Variants in DSCAM observed in about 807,000 individuals in gnomAD.
DSCAM encodes DS cell adhesion molecule, also known as cell adhesion molecule DSCAM.
DSCAM carries 47 observed loss-of-function variants against 217.7 expected under a neutral mutation model. The ratio of observed to expected loss-of-function variants is 0.22; its 90% CI spans 0.17 to 0.28. The LOEUF (loss-of-function observed/expected upper bound fraction) is 0.28, where lower values mean the gene tolerates loss of function less well. Among genes scored for constraint, DSCAM ranks in the 10% least tolerant of loss-of-function variants. The probability of loss-of-function intolerance (pLI) is 1.00; values close to 1 mark genes in which losing one functional copy is unlikely to be tolerated. For synonymous variants in DSCAM, 1,056 were observed against 1,015.3 expected (o/e 1.04, Z -0.76); for missense variants, 2,080 against 2,618.3 (o/e 0.79, Z 4.49).
At chr21:40,771,860 G>A (rs989496269) in intron 1 of DSCAM, among the ~76,000 whole-genome samples, 13 of 152,142 alleles carry the variant, frequency 8.5e-5, no homozygotes, top group South Asian at 2.1e-4. Flanking sequence ...AATTTTACAC[G>A]CACATTTTAT....
At chr21:40,316,801 A>G (rs1468577985) in intron 8 of DSCAM, among the ~76,000 whole-genome samples, 1 of 152,086 alleles carries the variant, frequency 6.6e-6, no homozygotes, top group Non-Finnish European at 1.5e-5. Context: ...TTTGACTCTT[A>G]CTCTATCTAA....
intron 1 of DSCAM, among the ~76,000 whole-genome samples, chr21:40,717,684 G>C (rs2090857120): frequency 6.6e-6 from 1 of 152,204 alleles, no homozygotes; most frequent in African/African-American, 2.4e-5. Context: ...GGATAGGAGG[G>C]TTTCTTTTGA....
intron 9 of DSCAM, among the ~76,000 whole-genome samples, chr21:40,305,109 GC>G (rs1042433485): frequency 6.6e-6 from 1 of 152,124 alleles, no homozygotes; most frequent in African/African-American, 2.4e-5. Context: ...GCAAAGTGTG[GC>G]CGGGCATGGT....
chr21:40,831,086 C>A (rs919649994), intron 1 of DSCAM, among the ~76,000 whole-genome samples: 1 of 152,222 alleles, frequency 6.6e-6, no homozygotes, highest in African/African-American at 2.4e-5. Context: ...AGGGGCCAAC[C>A]AGGCAATAAA....
intron 3 of DSCAM, among the ~76,000 whole-genome samples, chr21:40,679,685 G>T (rs977992659): frequency 1.3e-5 from 2 of 152,158 alleles, no homozygotes. Context: ...CTTTCATTCT[G>T]CCTTATTGTC....
At chr21:40,596,035 G>A (rs992434883) in intron 3 of DSCAM, among the ~76,000 whole-genome samples, 1 of 152,152 alleles carries the variant, frequency 6.6e-6, no homozygotes, top group Non-Finnish European at 1.5e-5. Flanking sequence ...GCAAGAACTA[G>A]CACAAGGCAG....
intron 11 of DSCAM, among the ~76,000 whole-genome samples, chr21:40,261,535 G>A (rs1195930738): frequency 1.3e-5 from 2 of 151,908 alleles, no homozygotes; most frequent in Admixed American, 6.6e-5. Flanking sequence ...GGCTCTCCTT[G>A]GGTCTAGAGC....
chr21:40,735,215 C>CA (rs1191481961), intron 1 of DSCAM, among the ~76,000 whole-genome samples: 1 of 152,218 alleles, frequency 6.6e-6, no homozygotes, highest in Non-Finnish European at 1.5e-5. Flanking sequence ...ATTATGCTTG[C>CA]ATTTCTAACA....
intron 30 of DSCAM, 139 bp downstream of exon 30, chr21:40,051,819 A>G (rs1169612827): frequency 1.9e-6 from 2 of 1,072,662 alleles, no homozygotes; most frequent in African/African-American, 1.6e-5. Flanking sequence ...CATTATCCCA[A>G]TTAGGGATGT....
chr21:40,233,337 TC>T (rs2091398493), intron 11 of DSCAM, among the ~76,000 whole-genome samples: 1 of 152,218 alleles, frequency 6.6e-6, no homozygotes, highest in African/African-American at 2.4e-5. Context: ...TATATTTTTT[TC>T]TTCACTCAAA....
rs1401541279 is a variant in DSCAM, at chr21:40,175,815, A to ACGCACG, written c.2947+3111_2947+3112insCGTGCG. Among the ~76,000 whole-genome samples, 152 of 149,764 alleles carry ACGCACG rather than the reference A, an allele frequency of 1.0e-3. 1 individual carries two copies. Among genetic ancestry groups the ACGCACG allele is most frequent in the African/African-American group, 1.8e-3 (72 of 40,732 alleles). ...CACACACACACACACACACGCACACACACACACACGCACACACACATACTC... is the reference window on the plus strand; with the variant it reads ...CACACACACACACACACACGCACACACGCACGCACACACACGCACACACACATACTC... On this transcript the variant is annotated intron_variant, in intron 15 of 32. Transcript: ENST00000400454.
chr21:40,705,404 T>C (rs1488903044), intron 2 of DSCAM, among the ~76,000 whole-genome samples: 3 of 143,974 alleles, frequency 2.1e-5, no homozygotes, highest in Non-Finnish European at 3.0e-5. Flanking sequence ...GTCTGCATTT[T>C]TCGTTGTTTT....
At chr21:40,221,423 C>T (rs993035565) in intron 11 of DSCAM, among the ~76,000 whole-genome samples, 10 of 147,856 alleles carry the variant, frequency 6.8e-5, no homozygotes, top group Admixed American at 2.0e-4. Flanking sequence ...AATATACATA[C>T]GTAATAGGAT....
Position 40,290,634 on chromosome 21 carries a change from G to GA in DSCAM, c.2182+5420dup, listed in dbSNP as rs561160352. Among the ~76,000 whole-genome samples the GA allele has an allele frequency of 5.9e-4, 90 of 152,210 alleles. No individual in the cohort carries two copies. In the South Asian group the frequency reaches 9.0e-3, roughly 15 times the overall value. On this transcript the variant is annotated intron_variant, in intron 10 of 32. Transcript: ENST00000400454. ...AGACTCCATCACAAAAATAAAAAAA[G>GA]AAAATAAACTACCAGACTTCAAAGT...
At chr21:40,553,481 C>T (rs1210008452) in intron 3 of DSCAM, among the ~76,000 whole-genome samples, 1 of 152,182 alleles carries the variant, frequency 6.6e-6, no homozygotes, top group Non-Finnish European at 1.5e-5. Context: ...AGGACACATC[C>T]CAAGGCCCTG....
At chr21:40,619,177 T>A (rs2089446350) in intron 3 of DSCAM, among the ~76,000 whole-genome samples, 1 of 152,108 alleles carries the variant, frequency 6.6e-6, no homozygotes, top group Non-Finnish European at 1.5e-5. Flanking sequence ...CAAAAGGAAG[T>A]AAACTTTAAG....
intron 3 of DSCAM, among the ~76,000 whole-genome samples, chr21:40,631,530 A>G (rs2089691282): frequency 6.6e-6 from 1 of 152,206 alleles, no homozygotes; most frequent in African/African-American, 2.4e-5. Context: ...CTGCAACCCA[A>G]TAAGACTTCC....
chr21:40,355,890 T>C (rs999940943), intron 4 of DSCAM, among the ~76,000 whole-genome samples: 5 of 152,358 alleles, frequency 3.3e-5, no homozygotes, highest in Middle Eastern at 3.4e-3. Flanking sequence ...AAGACAGTGT[T>C]TGTCTTTCTG....
intron 32 of DSCAM, among the ~76,000 whole-genome samples, chr21:40,039,499 T>C (rs2088702642): frequency 6.6e-6 from 1 of 152,210 alleles, no homozygotes; most frequent in Admixed American, 6.5e-5. Flanking sequence ...ATGAAGCATC[T>C]ACTAATGTGC....
Sources: allele counts gnomAD v4.1 joint callset (sites outside exome capture counted in the v4.1 genomes callset), GRCh38; gene constraint gnomAD v4.1.1; transcripts MANE v1.5; gene names NCBI Gene and HGNC (gene_info 2026-07-23, HGNC 2026-07-21).